The following SPOCK1 variants were observed in gnomAD, a reference collection of about 807,000 sequenced individuals.
The protein encoded by SPOCK1 is testican-1.
A neutral mutation model predicts 55.3 loss-of-function variants in SPOCK1; 23 were observed. That is an observed-to-expected ratio of 0.42 (90% CI 0.30 to 0.59). SPOCK1 has a LOEUF of 0.59. SPOCK1 is among the 20% of genes least tolerant of loss of function. The pLI, the probability that SPOCK1 is intolerant of heterozygous loss-of-function variation, is 0.22. For missense variants in SPOCK1, 499 were observed against 552.5 expected (o/e 0.90, Z 0.97); for synonymous variants, 226 against 221.0 (o/e 1.02, Z -0.20).
chr5:137,336,137 T>C (rs1750271957), intron 2 of SPOCK1, among the ~76,000 whole-genome samples: 2 of 152,210 alleles, frequency 1.3e-5, no homozygotes, highest in African/African-American at 4.8e-5. Flanking sequence ...GTGTTAAGAT[T>C]GAGGACAAGG....
intron 3 of SPOCK1, among the ~76,000 whole-genome samples, chr5:137,248,432 A>C (rs1354278650): frequency 6.6e-6 from 1 of 152,230 alleles, no homozygotes; most frequent in Non-Finnish European, 1.5e-5. Flanking sequence ...AGTCTGGCAG[A>C]AACACCTGTT....
chr5:137,412,271 C>T (rs1752222786), intron 2 of SPOCK1, among the ~76,000 whole-genome samples: 1 of 152,202 alleles, frequency 6.6e-6, no homozygotes, highest in Non-Finnish European at 1.5e-5. Flanking sequence ...AGGTATAGAG[C>T]TCCTGTTGGC....
At chr5:137,126,048 G>A in intron 4 of SPOCK1, among the ~76,000 whole-genome samples, 1 of 152,218 alleles carries the variant, frequency 6.6e-6, no homozygotes, top group Admixed American at 6.5e-5. Flanking sequence ...GATCCCCAGT[G>A]TTGCAGGTGG....
intron 8 of SPOCK1, among the ~76,000 whole-genome samples, chr5:136,986,802 G>C (rs896281328): frequency 2.6e-5 from 4 of 152,032 alleles, no homozygotes; most frequent in African/African-American, 9.7e-5. Flanking sequence ...GATAGATCCT[G>C]TTCTAAAACA....
chr5:137,119,556 G>A (rs530838781), intron 4 of SPOCK1, among the ~76,000 whole-genome samples: 3 of 152,276 alleles, frequency 2.0e-5, no homozygotes, highest in Admixed American at 6.5e-5. Context: ...GTGGGCTCAC[G>A]TGTCTCCCTC....
intron 3 of SPOCK1, among the ~76,000 whole-genome samples, chr5:137,231,349 T>A (rs867170209): frequency 8.4e-4 from 128 of 152,272 alleles, no homozygotes; most frequent in African/African-American, 2.8e-3. Context: ...ACCCGGCTGG[T>A]GTCACCCTTT....
chr5:137,060,579 TA>T (rs1170964678), intron 6 of SPOCK1, among the ~76,000 whole-genome samples: 2 of 152,098 alleles, frequency 1.3e-5, no homozygotes, highest in African/African-American at 4.8e-5. Context: ...AACCTGCACT[TA>T]TACCCCTAAA....
At chr5:137,033,762 T>C (rs1431466526) in intron 6 of SPOCK1, among the ~76,000 whole-genome samples, 1 of 152,136 alleles carries the variant, frequency 6.6e-6, no homozygotes, top group Non-Finnish European at 1.5e-5. Context: ...TGTTATTAAT[T>C]TTCATTTATT....
intron 3 of SPOCK1, among the ~76,000 whole-genome samples, chr5:137,195,736 C>T (rs1755287106): frequency 6.6e-6 from 1 of 152,244 alleles, no homozygotes; most frequent in Non-Finnish European, 1.5e-5. Flanking sequence ...TCAGCCCAGG[C>T]AGGCTCCTGC....
At chr5:137,347,185 AT>A (rs1339650930) in intron 2 of SPOCK1, among the ~76,000 whole-genome samples, 1 of 151,700 alleles carries the variant, frequency 6.6e-6, no homozygotes, top group African/African-American at 2.4e-5. Flanking sequence ...TTCAAATCAA[AT>A]AATGTTTAAA....
At chr5:137,370,952 G>A (rs1043821019) in intron 2 of SPOCK1, among the ~76,000 whole-genome samples, 2 of 152,186 alleles carry the variant, frequency 1.3e-5, no homozygotes, top group African/African-American at 4.8e-5. Context: ...GGGCTGTGCT[G>A]CTCTCACAGC....
At chr5:137,002,068 G>T (rs1040075659) in intron 6 of SPOCK1, among the ~76,000 whole-genome samples, 1 of 152,112 alleles carries the variant, frequency 6.6e-6, no homozygotes, top group Non-Finnish European at 1.5e-5. Flanking sequence ...GTAAAAACAG[G>T]CATGAGCAAA....
At chr5:137,420,103 G>A (rs997395477) in intron 2 of SPOCK1, among the ~76,000 whole-genome samples, 14 of 152,138 alleles carry the variant, frequency 9.2e-5, no homozygotes, top group Non-Finnish European at 1.5e-4. Context: ...TACATTTATC[G>A]ATTTGCATAT....
At chr5:137,122,658 T>C (rs1753707852) in intron 4 of SPOCK1, among the ~76,000 whole-genome samples, 1 of 152,192 alleles carries the variant, frequency 6.6e-6, no homozygotes, top group African/African-American at 2.4e-5. Context: ...GAGAACTTCA[T>C]TTGGTATCTC....
At chr5:137,404,601 GT>G (rs1752056133) in intron 2 of SPOCK1, among the ~76,000 whole-genome samples, 1 of 143,704 alleles carries the variant, frequency 7.0e-6, no homozygotes, top group African/African-American at 2.6e-5. Context: ...TGTATTTTTA[GT>G]AGAGATGGGG....
rs117702859 is a variant in SPOCK1, at chr5:137,368,729, C to T, written c.187-101674G>A. On this transcript the variant is annotated intron_variant, in intron 2 of 10. Transcript: ENST00000394945. ...GGCTGCTGGCCCTGTGCCTCCCTCT[C>T]CCTTCCCCACAGCCCTGTCCCCACT... is the stretch of plus-strand genomic sequence containing the variant. Among the ~76,000 whole-genome samples, 611 of 152,310 alleles carry T rather than the reference C, an allele frequency of 4.0e-3. 7 individuals carry two copies. The highest frequency in any genetic ancestry group is 0.035 in the East Asian group (182 of 5,180).
chr5:137,074,708 G>GTTT (rs1325408497), intron 5 of SPOCK1, among the ~76,000 whole-genome samples: 1 of 151,162 alleles, frequency 6.6e-6, no homozygotes, highest in Non-Finnish European at 1.5e-5. Flanking sequence ...TGTTGTTGTT[G>GTTT]TTGTTGTTGT....
At position 137,202,685 on chromosome 5, in the gene SPOCK1, A is replaced by G. The variant is rs926175339; in HGVS notation, c.233-61991T>C. On this transcript the variant is annotated intron_variant, in intron 3 of 10. Transcript: ENST00000394945. ...GTTCACAGGCTGAAACAGCTCCTTC[A>G]CTTGAGGAACTCTGATTTGAAAAGG... 3.3e-5 allele frequency among the ~76,000 whole-genome samples: 5 copies of G among 152,210 alleles called. 1 individual carries two copies. The highest frequency in any genetic ancestry group is 2.1e-4 in the South Asian group (1 of 4,826).
chr5:137,458,858 T>C (rs573674539), intron 2 of SPOCK1, among the ~76,000 whole-genome samples: 2 of 152,332 alleles, frequency 1.3e-5, no homozygotes, highest in African/African-American at 4.8e-5. Flanking sequence ...AAATAAATAC[T>C]AGAAGCAACT....
Sources: gnomAD v4.1 joint callset for allele counts (sites outside exome capture counted in the v4.1 genomes callset) on GRCh38, gnomAD v4.1.1 for gene constraint, MANE v1.5 for transcripts, NCBI Gene and HGNC (gene_info 2026-07-23, HGNC 2026-07-21) for gene names.